SCNN1B: variants seen among roughly 807,000 people sequenced by gnomAD.
SCNN1B encodes sodium channel epithelial 1 subunit beta.
SCNN1B carries 46 observed loss-of-function variants against 65.3 expected under a neutral mutation model. The ratio of observed to expected loss-of-function variants is 0.70; its 90% CI spans 0.56 to 0.90. The LOEUF is 0.90. SCNN1B is among the 40% of genes least tolerant of loss of function. SCNN1B has a pLI of 0.00. For synonymous variants in SCNN1B, 349 were observed against 330.6 expected, an observed-to-expected ratio of 1.06 and a Z score of -0.60; for missense variants, 751 against 830.5, an observed-to-expected ratio of 0.90 and a Z score of 1.18.
intron 1 of SCNN1B, among the ~76,000 whole-genome samples, chr16:23,338,358 G>A (rs890541880): frequency 2.6e-5 from 4 of 152,200 alleles, no homozygotes; most frequent in African/African-American, 4.8e-5. Flanking sequence ...ACCTGGCCAG[G>A]TGCTTGAGAA....
At chr16:23,369,158 A>G (rs1962732627) in intron 5 of SCNN1B, among the ~76,000 whole-genome samples, 1 of 152,176 alleles carries the variant, frequency 6.6e-6, no homozygotes, top group South Asian at 2.1e-4. Flanking sequence ...CCCAAACTGG[A>G]GTGCAGTGGC....
At position 23,295,752 on chromosome 16, in the gene SCNN1B, G is replaced by A. The variant is rs943927919; in HGVS notation, n.178+11948G>A. ...CATTTCACCCCTGCACGTTTAGGAA[G>A]TTCTTAGGGTAGTACAGTGTTAGAG... On this transcript the variant is annotated intron_variant and non_coding_transcript_variant, in intron 2 of 3. Transcript: ENST00000569789. Among the ~76,000 whole-genome samples, 4 of 152,248 alleles carry A rather than the reference G, an allele frequency of 2.6e-5. No individual in the cohort carries two copies. In the East Asian group the frequency reaches 5.8e-4, roughly 22 times the overall value.
chr16:23,333,147 AAAGAAGGAAGGAAG>A (rs1567300535), intron 1 of SCNN1B, among the ~76,000 whole-genome samples: 10 of 109,246 alleles, frequency 9.2e-5, no homozygotes, highest in Middle Eastern at 4.7e-3. Context: ...GGAAGGAAGG[AAAGAAGGAAGGAAG>A]GAAGGAAGGA....
At chr16:23,373,762 G>T (rs1962832258) in intron 7 of SCNN1B, among the ~76,000 whole-genome samples, 1 of 152,272 alleles carries the variant, frequency 6.6e-6, no homozygotes, top group South Asian at 2.1e-4. Flanking sequence ...TGGCTGGTTT[G>T]GCCACCTCGC....
chr16:23,326,611 T>C (rs1417144951), intron 1 of SCNN1B, among the ~76,000 whole-genome samples: 1 of 151,944 alleles, frequency 6.6e-6, no homozygotes, highest in Non-Finnish European at 1.5e-5. Context: ...ATTATAGGTG[T>C]GCGCCACCAT....
At chr16:23,373,029 C>T (rs1427489350) in intron 7 of SCNN1B, among the ~76,000 whole-genome samples, 4 of 151,976 alleles carry the variant, frequency 2.6e-5, no homozygotes, top group Admixed American at 6.5e-5. Context: ...ATTGCTTGAA[C>T]CCGGGAGGCG....
At chr16:23,316,277 A>G (rs1567294405) in intron 1 of SCNN1B, among the ~76,000 whole-genome samples, 2 of 150,318 alleles carry the variant, frequency 1.3e-5, no homozygotes, top group Non-Finnish European at 3.0e-5. Flanking sequence ...CATCTTCACC[A>G]TCACCACCAT....
intron 5 of SCNN1B, among the ~76,000 whole-genome samples, chr16:23,370,904 G>A (rs1962768103): frequency 6.6e-6 from 1 of 152,236 alleles, no homozygotes; most frequent in Non-Finnish European, 1.5e-5. Context: ...CCAGAGTGAG[G>A]GAACAGCATT....
At chr16:23,342,576 A>G (rs1215039258) in intron 1 of SCNN1B, among the ~76,000 whole-genome samples, 1 of 152,050 alleles carries the variant, frequency 6.6e-6, no homozygotes, top group African/African-American at 2.4e-5. Context: ...GGGGTGTCCA[A>G]TCTTTTGGCT....
At chr16:23,326,975 G>A (rs541773938) in intron 1 of SCNN1B, among the ~76,000 whole-genome samples, 8 of 152,208 alleles carry the variant, frequency 5.3e-5, no homozygotes, top group Non-Finnish European at 8.8e-5. Flanking sequence ...GGAGTGCAGT[G>A]GTGCAATCAT....
At chr16:23,370,026 G>A (rs1962750770) in intron 5 of SCNN1B, among the ~76,000 whole-genome samples, 1 of 152,180 alleles carries the variant, frequency 6.6e-6, no homozygotes, top group South Asian at 2.1e-4. Flanking sequence ...CGCCTCCTGG[G>A]TTCAAGCGAT....
chr16:23,374,185 G>A (rs1962840663), intron 7 of SCNN1B, among the ~76,000 whole-genome samples: 1 of 147,926 alleles, frequency 6.8e-6, no homozygotes, highest in African/African-American at 2.5e-5. Flanking sequence ...AGGATCACTT[G>A]AGCCCAAGAG....
At chr16:23,345,040 T>C (rs1251784369) in intron 1 of SCNN1B, among the ~76,000 whole-genome samples, 1 of 151,128 alleles carries the variant, frequency 6.6e-6, no homozygotes. Context: ...AGAACAGAGT[T>C]GGAGAAGAAA....
At chr16:23,288,155 C>T (rs1339944633) in intron 2 of SCNN1B, among the ~76,000 whole-genome samples, 2 of 151,884 alleles carry the variant, frequency 1.3e-5, no homozygotes, top group Admixed American at 1.3e-4. Context: ...CCTGTCTAGA[C>T]CCTGTCTCAA....
At chr16:23,306,373 C>T (rs1342718721) in intron 1 of SCNN1B, among the ~76,000 whole-genome samples, 2 of 152,050 alleles carry the variant, frequency 1.3e-5, no homozygotes, top group East Asian at 3.8e-4. Context: ...AATGAGTCAA[C>T]ACACATGAAC....
intron 1 of SCNN1B, among the ~76,000 whole-genome samples, chr16:23,343,531 A>AAGGAAGGAAGGAAGAAAGAGG (rs1962104310): frequency 3.2e-5 from 4 of 125,290 alleles, no homozygotes; most frequent in African/African-American, 1.1e-4. Context: ...GAAGGAAGAA[A>AAGGAAGGAAGGAAGAAAGAGG]GAGGGAGGGA....
chr16:23,331,736 G>T (rs1961816459), intron 1 of SCNN1B, among the ~76,000 whole-genome samples: 1 of 152,104 alleles, frequency 6.6e-6, no homozygotes. Context: ...TTGGTGGGGG[G>T]ACACATTCAT....
At chr16:23,372,179 C>T (rs1036603770) in intron 7 of SCNN1B, 2 of 479,510 alleles carry the variant, frequency 4.2e-6, no homozygotes, top group Middle Eastern at 6.1e-4. Flanking sequence ...TAGCAGCTAA[C>T]ACCATCAAGC....
At chr16:23,359,929 A>G (rs1327471984) in intron 4 of SCNN1B, among the ~76,000 whole-genome samples, 1 of 152,198 alleles carries the variant, frequency 6.6e-6, no homozygotes, top group African/African-American at 2.4e-5. Flanking sequence ...TGGGCCGGGC[A>G]TGGTGGCTCA....
Sources: gnomAD v4.1 joint callset for allele counts (sites outside exome capture counted in the v4.1 genomes callset) on GRCh38, gnomAD v4.1.1 for gene constraint, MANE v1.5 for transcripts, NCBI Gene and HGNC (gene_info 2026-07-23, HGNC 2026-07-21) for gene names.